Variants in TDRKH observed in about 807,000 individuals in gnomAD.
TDRKH encodes tudor and KH domain containing.
A neutral mutation model predicts 61.3 loss-of-function variants in TDRKH; 28 were observed. That is an observed-to-expected ratio of 0.46 (90% CI 0.34 to 0.63). The LOEUF (loss-of-function observed/expected upper bound fraction) is 0.63. Ranked by LOEUF, TDRKH falls within the 20% of genes least tolerant of loss-of-function variation. The probability of loss-of-function intolerance (pLI) is 0.01; values close to 1 mark genes in which losing one functional copy is unlikely to be tolerated. For missense variants in TDRKH, 540 were observed against 683.4 expected (o/e 0.79, Z 2.34); for synonymous variants, 219 against 244.4 (o/e 0.90, Z 0.97).
At position 151,781,183 on chromosome 1, in the gene TDRKH, G is replaced by A. The variant is rs543879894; in HGVS notation, c.231+298C>T. On this transcript the variant is annotated intron_variant, in intron 3 of 12. Transcript: ENST00000368824. ...ATACCAAAAATTCGCTGGGCGTGGT[G>A]GCGGGTGCCTGTAATCCCAGCTACT... is the stretch of plus-strand genomic sequence containing the variant. 2.1e-3 allele frequency among the ~76,000 whole-genome samples: 323 copies of A among 151,324 alleles called. 4 individuals are homozygous for A. The highest frequency in any genetic ancestry group is 7.6e-3 in the African/African-American group (316 of 41,308).
downstream of TDRKH, chr1:151,770,112 CGGAGAGGGAGAG>C (rs901648615): frequency 4.4e-6 from 2 of 458,678 alleles, no homozygotes; most frequent in Non-Finnish European, 3.5e-6. Context: ...GAGACGGAGA[CGGAGAGGGAGAG>C]GGAGAGGGAG....
At chr1:151,768,138 C>T (rs754000417), downstream of TDRKH, 3 of 1,614,028 alleles carry the variant, frequency 1.9e-6, no homozygotes, top group South Asian at 2.2e-5. Flanking sequence ...TCCGCCTTAC[C>T]TCCCAGACCT....
chr1:151,778,269 C>G (rs536954474), intron 6 of TDRKH, among the ~76,000 whole-genome samples: 1 of 152,288 alleles, frequency 6.6e-6, no homozygotes, highest in African/African-American at 2.4e-5. Flanking sequence ...TTGGTTAATT[C>G]ATTTTTGTTA....
rs74125882 is a variant in TDRKH, at chr1:151,788,603, T to C, written c.-28+1777A>G. Among the ~76,000 whole-genome samples, 1,201 of 152,300 alleles carry C rather than the reference T, an allele frequency of 7.9e-3. 18 individuals carry two copies. The highest frequency in any genetic ancestry group is 0.028 in the African/African-American group (1,157 of 41,550). On this transcript the variant is annotated intron_variant, in intron 1 of 12. Transcript: ENST00000368824. ...AACTTATTTGATTCCATTAATAACG[T>C]TGCAATTTGGGAAACTGCGGCTAAG...
chr1:151,782,772 A>G (rs1027791782), intron 2 of TDRKH, 127 bp downstream of exon 2: 1 of 1,329,828 alleles, frequency 7.5e-7, no homozygotes, highest in African/African-American at 1.5e-5. Context: ...CCTGTCTCAA[A>G]AAAACCCCAC....
At chr1:151,775,702 A>G in intron 9 of TDRKH, 118 bp downstream of exon 9, 1 of 1,486,952 alleles carries the variant, frequency 6.7e-7, no homozygotes, top group Non-Finnish European at 9.1e-7. Flanking sequence ...GCTGGTGAGG[A>G]AAAGGCACCT....
Position 151,781,503 on chromosome 1 carries a change from C to T in TDRKH, c.209G>A (p.Arg70Gln), listed in dbSNP as rs368367936. Residue 70 changes from arginine to glutamine, a missense_variant, in exon 3 of 13, where the codon CGG becomes CAG. Physicochemically the swap from Arg to Gln is conservative, Grantham distance 43. Coordinates refer to ENST00000368824, the MANE Select transcript of TDRKH (RefSeq NM_001083965.2). ...TACCTGTTTAATATTGGCTCCTTGC[C>T]GGCCAATGATGAGTTTCACAGCCTC... Reference protein sequence around the residue: ...PQEAVKLIIGRQGANIKQLRK... With the variant: ...PQEAVKLIIGQQGANIKQLRK... 43 of 1,613,250 alleles carry T rather than the reference C, an allele frequency of 2.7e-5. No individual in the cohort carries two copies. The highest frequency in any genetic ancestry group is 1.6e-4 in the Middle Eastern group (1 of 6,082).
At position 151,782,963 on chromosome 1, in the gene TDRKH, GC is replaced by G. The variant is rs754991705; in HGVS notation, c.59del (p.Gly20AlafsTer26). The G allele has an allele frequency of 6.2e-7, 1 of 1,613,706 alleles. No homozygotes were observed. The highest frequency in any genetic ancestry group is 8.5e-7 in the Non-Finnish European group (1 of 1,179,852). ...SLSTIQKIAL[G>X]LGIPASATVA... ...CTGTTGCACTGGCTGGGATCCCAAGGCCCAGGGCTATTTTCTGAATGGTGGA... is the reference window on the plus strand; with the variant it reads ...CTGTTGCACTGGCTGGGATCCCAAGGCCAGGGCTATTTTCTGAATGGTGGA... On this transcript the variant is annotated frameshift_variant, in exon 2 of 13. Coordinates refer to ENST00000368824, the MANE Select transcript of TDRKH (RefSeq NM_001083965.2). LOFTEE classifies it high-confidence loss of function.
chr1:151,767,309 C>G (rs1343704176), downstream of TDRKH: 1 of 1,612,816 alleles, frequency 6.2e-7, no homozygotes, highest in South Asian at 1.1e-5. Flanking sequence ...GGTAAGTGGA[C>G]TGTGAGCTAG....
At chr1:151,785,828 T>C (rs1650259756) in intron 1 of TDRKH, among the ~76,000 whole-genome samples, 1 of 152,100 alleles carries the variant, frequency 6.6e-6, no homozygotes, top group African/African-American at 2.4e-5. Context: ...CTGTAGGTGG[T>C]TAAAAAAACA....
intron 2 of TDRKH, 31 bp from the exon 3 acceptor site, chr1:151,781,618 T>C: frequency 6.2e-7 from 1 of 1,600,654 alleles, no homozygotes; most frequent in Non-Finnish European, 8.6e-7. Flanking sequence ...CAGATCAGAC[T>C]TAGATAACAC....
downstream of TDRKH, chr1:151,767,870 AAGG>A (rs1648418204): frequency 2.8e-6 from 2 of 721,182 alleles, no homozygotes; most frequent in African/African-American, 1.8e-5. Context: ...GTTTGATATA[AAGG>A]AGAACTCCAC....
Position 151,779,205 on chromosome 1 carries a change from T to C in TDRKH, c.459A>G (p.Ala153=). 6.2e-7 allele frequency: 1 copy of C among 1,614,200 alleles called. No individual in the cohort carries two copies. Among genetic ancestry groups the C allele is most frequent in the Non-Finnish European group, 8.5e-7 (1 of 1,180,036 alleles). The change falls in exon 5 of 13, where the codon GCA becomes GCG. Residue 153 remains alanine (A), a synonymous_variant. Transcript: ENST00000368824. ...TGTCACAGGTAATTTTGGCTCCAGA[T>C]GCCTTACAGATAGAACGAATTGTCT... ...GGETIRSICK[A]SGAKITCDKE... is the part of the protein sequence containing the mutation.
chr1:151,776,221 T>C lies in TDRKH; in HGVS notation c.1092A>G (p.Leu364=), dbSNP rs765152360. 6.2e-7 allele frequency: 1 copy of C among 1,614,044 alleles called. No individual in the cohort carries two copies. Among genetic ancestry groups the C allele is most frequent in the Non-Finnish European group, 8.5e-7 (1 of 1,180,000 alleles). ...CTCGATACCAGGAACCATTTGTAGG[T>C]AAAGGTGCTGCTACAATGTCTCCTA... The part of the protein sequence containing the change: ...VHVGDIVAAP[L]PTNGSWYRAR... Residue 364 remains leucine, a synonymous_variant, in exon 8 of 13, where the codon TTA becomes TTG. Coordinates refer to ENST00000368824, the MANE Select transcript of TDRKH (RefSeq NM_001083965.2).
chr1:151,775,999 G>T (rs1373445566), intron 8 of TDRKH, 97 bp downstream of exon 8: 6 of 1,568,162 alleles, frequency 3.8e-6, no homozygotes, highest in Non-Finnish European at 4.4e-6. Context: ...TCTGTAAACA[G>T]GTTCCCTTCC....
chr1:151,780,231 A>G (rs1649616875), intron 3 of TDRKH, 91 bp from the exon 4 acceptor site: 1 of 1,378,512 alleles, frequency 7.3e-7, no homozygotes, highest in Admixed American at 2.1e-5. Context: ...CTGGAGGTAG[A>G]TAGAATTAGC....
At chr1:151,771,225 C>T, downstream of TDRKH, 1 of 1,611,980 alleles carries the variant, frequency 6.2e-7, no homozygotes, top group Non-Finnish European at 8.5e-7. Flanking sequence ...CTTGAACATG[C>T]TTATTCCAAC....
chr1:151,782,095 C>A, intron 2 of TDRKH: 2 of 421,096 alleles, frequency 4.7e-6, no homozygotes, highest in Non-Finnish European at 9.3e-6. Context: ...GTTGATGTTG[C>A]TGAAGAAAGC....
At chr1:151,775,591 C>T (rs777237529) in intron 9 of TDRKH, 48 bp from the exon 10 acceptor site, 6 of 1,572,890 alleles carry the variant, frequency 3.8e-6, no homozygotes, top group Non-Finnish European at 4.3e-6. Flanking sequence ...GGGGCTTATA[C>T]CCTGGAGGGA....
Sources: gnomAD v4.1 joint callset for allele counts (sites outside exome capture counted in the v4.1 genomes callset) on GRCh38, gnomAD v4.1.1 for gene constraint, MANE v1.5 for transcripts, NCBI Gene and HGNC (gene_info 2026-07-23, HGNC 2026-07-21) for gene names.